The following KCNIP1 variants were observed in gnomAD, a reference collection of about 807,000 sequenced individuals.
KCNIP1 encodes A-type potassium channel modulatory protein KCNIP1.
KCNIP1 carries 18 observed loss-of-function variants against 33.0 expected under a neutral mutation model. The ratio of observed to expected loss-of-function variants is 0.55; its 90% CI spans 0.38 to 0.81. The LOEUF (loss-of-function observed/expected upper bound fraction) is 0.81, where lower values mean the gene tolerates loss of function less well. Among genes scored for constraint, KCNIP1 ranks in the 30% least tolerant of loss-of-function variants. KCNIP1 has a pLI of 0.00. For synonymous variants in KCNIP1, 93 were observed against 98.3 expected, an observed-to-expected ratio of 0.95 and a Z score of 0.32; for missense variants, 238 against 271.6, an observed-to-expected ratio of 0.88 and a Z score of 0.87.
intron 1 of KCNIP1, among the ~76,000 whole-genome samples, chr5:170,644,051 C>T (rs748165391): frequency 1.4e-4 from 22 of 152,200 alleles, no homozygotes; most frequent in African/African-American, 3.6e-4. Context: ...AGTGCTGACC[C>T]GAAGCAGGAA....
At chr5:170,665,855 G>A (rs1761684515) in intron 1 of KCNIP1, among the ~76,000 whole-genome samples, 1 of 152,190 alleles carries the variant, frequency 6.6e-6, no homozygotes, top group African/African-American at 2.4e-5. Flanking sequence ...TTTTTCTGAT[G>A]ATTGCACTGG....
At chr5:170,476,219 C>A (rs1756854653) in intron 1 of KCNIP1, among the ~76,000 whole-genome samples, 1 of 152,194 alleles carries the variant, frequency 6.6e-6, no homozygotes, top group Non-Finnish European at 1.5e-5. Flanking sequence ...AATCCATCAG[C>A]CTTGGCCTCC....
chr5:170,521,324 T>C (rs1392153651), intron 1 of KCNIP1, among the ~76,000 whole-genome samples: 1 of 152,224 alleles, frequency 6.6e-6, no homozygotes, highest in Non-Finnish European at 1.5e-5. Flanking sequence ...ATGAAGTTTA[T>C]TTGCATTCTA....
chr5:170,526,025 C>T (rs1040955472), intron 1 of KCNIP1, among the ~76,000 whole-genome samples: 3 of 152,208 alleles, frequency 2.0e-5, no homozygotes, highest in African/African-American at 7.2e-5. Flanking sequence ...CAATATTCAC[C>T]ATGTGCCAGC....
intron 1 of KCNIP1, among the ~76,000 whole-genome samples, chr5:170,572,068 G>A (rs1757431872): frequency 6.6e-6 from 1 of 152,072 alleles, no homozygotes; most frequent in Non-Finnish European, 1.5e-5. Flanking sequence ...GATGGGGGCT[G>A]GGGTGAATGG....
At chr5:170,429,318 C>T (rs6882104) in intron 1 of KCNIP1, among the ~76,000 whole-genome samples, 13,002 of 152,062 alleles carry the variant, frequency 0.086, 1,566 homozygotes, top group African/African-American at 0.27. Flanking sequence ...CCAAGCTTCA[C>T]GGCATTGGAG....
intron 1 of KCNIP1, among the ~76,000 whole-genome samples, chr5:170,444,589 A>C (rs1756066371): frequency 6.6e-6 from 1 of 152,048 alleles, no homozygotes; most frequent in Non-Finnish European, 1.5e-5. Context: ...TTTGCCTACC[A>C]CAGCTTCCAT....
At chr5:170,666,221 T>C (rs762278678) in intron 1 of KCNIP1, among the ~76,000 whole-genome samples, 14 of 152,238 alleles carry the variant, frequency 9.2e-5, no homozygotes, top group Non-Finnish European at 1.5e-4. Flanking sequence ...AATCCAATAG[T>C]ATTTTACTTC....
At chr5:170,714,734 G>T (rs1263367572) in intron 1 of KCNIP1, among the ~76,000 whole-genome samples, 4 of 151,840 alleles carry the variant, frequency 2.6e-5, no homozygotes, top group African/African-American at 4.8e-5. Flanking sequence ...TAGAGAAAAA[G>T]CTTATAAAAT....
At chr5:170,717,986 C>T (rs1245211973) in intron 1 of KCNIP1, among the ~76,000 whole-genome samples, 1 of 152,202 alleles carries the variant, frequency 6.6e-6, no homozygotes, top group Non-Finnish European at 1.5e-5. Context: ...TTGAAAATTC[C>T]ACGGACTTGG....
At chr5:170,394,485 C>A (rs1754704442) in intron 1 of KCNIP1, among the ~76,000 whole-genome samples, 1 of 151,540 alleles carries the variant, frequency 6.6e-6, no homozygotes, top group African/African-American at 2.4e-5. Flanking sequence ...GAAAAAAAAT[C>A]TCTCGCTTTT....
At chr5:170,685,816 C>T (rs1297151703) in intron 1 of KCNIP1, among the ~76,000 whole-genome samples, 5 of 152,138 alleles carry the variant, frequency 3.3e-5, no homozygotes, top group African/African-American at 1.2e-4. Context: ...TTTTCTATTC[C>T]ATATCATAGA....
At chr5:170,632,625 A>C (rs10040672) in intron 1 of KCNIP1, among the ~76,000 whole-genome samples, 89 of 152,374 alleles carry the variant, frequency 5.8e-4, no homozygotes, top group African/African-American at 2.1e-3. Context: ...AGAGACCAGC[A>C]CAAACCAGTG....
intron 1 of KCNIP1, among the ~76,000 whole-genome samples, chr5:170,571,387 T>A (rs1423620121): frequency 1.3e-5 from 2 of 152,332 alleles, no homozygotes; most frequent in African/African-American, 4.8e-5. Flanking sequence ...CTCCAGTTCC[T>A]CCAGCACCTT....
intron 5 of KCNIP1, 142 bp downstream of exon 5, chr5:170,722,962 A>G: frequency 1.7e-6 from 1 of 604,838 alleles, no homozygotes; most frequent in Non-Finnish European, 2.9e-6. Flanking sequence ...CCCTGGCAAA[A>G]TAAAGAAGGC....
intron 1 of KCNIP1, among the ~76,000 whole-genome samples, chr5:170,528,561 A>C (rs1862332): frequency 0.11 from 16,167 of 152,240 alleles, 1,516 homozygotes; most frequent in African/African-American, 0.25. Context: ...ATACTTGGAA[A>C]CAAATGTCCA....
intron 1 of KCNIP1, among the ~76,000 whole-genome samples, chr5:170,527,276 G>A (rs960813879): frequency 6.6e-6 from 1 of 152,170 alleles, no homozygotes; most frequent in African/African-American, 2.4e-5. Flanking sequence ...TTGTTTATTT[G>A]CTAACATTCT....
chr5:170,656,425 C>G (rs1333364550), intron 1 of KCNIP1, among the ~76,000 whole-genome samples: 1 of 152,204 alleles, frequency 6.6e-6, no homozygotes, highest in Non-Finnish European at 1.5e-5. Flanking sequence ...TAGCAGGAAG[C>G]TACTACCATC....
At chr5:170,522,712 C>T (rs1009517422) in intron 1 of KCNIP1, among the ~76,000 whole-genome samples, 1 of 152,232 alleles carries the variant, frequency 6.6e-6, no homozygotes, top group African/African-American at 2.4e-5. Flanking sequence ...AGCCCAATGG[C>T]ATTTGGGAGC....
Sources: gnomAD v4.1 joint callset for allele counts (sites outside exome capture counted in the v4.1 genomes callset) on GRCh38, gnomAD v4.1.1 for gene constraint, MANE v1.5 for transcripts, NCBI Gene and HGNC (gene_info 2026-07-23, HGNC 2026-07-21) for gene names.